The following JMJD1C variants were observed in gnomAD, a reference collection of about 807,000 sequenced individuals.
JMJD1C encodes jumonji domain-containing protein 1C.
In JMJD1C, 31 loss-of-function variants were observed where a neutral mutation model predicts 245.3. The ratio of observed to expected loss-of-function variants is 0.13; its 90% confidence interval spans 0.09 to 0.17. The LOEUF (loss-of-function observed/expected upper bound fraction) is 0.17, where lower values mean the gene tolerates loss of function less well. Ranked by LOEUF, JMJD1C falls within the 10% of genes least tolerant of loss-of-function variation. The pLI is 1.00. For synonymous variants in JMJD1C, 1,057 were observed against 1,017.4 expected, an observed-to-expected ratio of 1.04 and a Z score of -0.74; for missense variants, 2,691 against 3,000.2, an observed-to-expected ratio of 0.90 and a Z score of 2.41.
intron 3 of JMJD1C, among the ~76,000 whole-genome samples, chr10:63,254,541 G>T (rs1391152157): frequency 6.6e-6 from 1 of 152,092 alleles, no homozygotes. Context: ...CTAAAATTTT[G>T]AGTTCAGGTT....
Position 63,465,726 on chromosome 10 carries a change from C to CT in JMJD1C, c.-65dup. Reference sequence around the variant, plus strand: ...CGAGGGAACCGATGAAACCTCACTCCTACCGGCCGCTCATGCTGAGGAGAG... The same window carrying CT: ...CGAGGGAACCGATGAAACCTCACTCCTTACCGGCCGCTCATGCTGAGGAGAG... On this transcript the variant is annotated 5_prime_UTR_variant, in exon 1 of 26. An upstream open reading frame in the 5' UTR loses its in-frame stop. Transcript: ENST00000399262. The CT allele has an allele frequency of 6.4e-7, 1 of 1,570,670 alleles. No homozygotes were observed. The highest frequency in any genetic ancestry group is 1.1e-5 in the South Asian group (1 of 89,608).
At chr10:63,315,084 G>T (rs953685932) in intron 2 of JMJD1C, among the ~76,000 whole-genome samples, 1 of 151,676 alleles carries the variant, frequency 6.6e-6, no homozygotes, top group Non-Finnish European at 1.5e-5. Flanking sequence ...CTCCCAAGTA[G>T]CTGGGATTAC....
chr10:63,360,247 G>A (rs1046019480), intron 2 of JMJD1C, among the ~76,000 whole-genome samples: 2 of 152,154 alleles, frequency 1.3e-5, no homozygotes, highest in African/African-American at 4.8e-5. Flanking sequence ...CTAAGTCACA[G>A]CTACTTGGGA....
chr10:63,229,388 G>T (rs1849696602), intron 3 of JMJD1C, among the ~76,000 whole-genome samples: 1 of 151,864 alleles, frequency 6.6e-6, no homozygotes, highest in South Asian at 2.1e-4. Flanking sequence ...TGCCTACAGG[G>T]TAGCCCTGCT....
intron 3 of JMJD1C, among the ~76,000 whole-genome samples, chr10:63,263,915 G>C (rs1373368401): frequency 7.7e-6 from 1 of 129,228 alleles, no homozygotes; most frequent in African/African-American, 2.9e-5. Flanking sequence ...CTGGGTGAAA[G>C]AGTGAGACTC....
intron 1 of JMJD1C, among the ~76,000 whole-genome samples, chr10:63,438,302 G>A (rs1313683065): frequency 6.6e-6 from 1 of 152,078 alleles, no homozygotes; most frequent in African/African-American, 2.4e-5. Context: ...TCTCACATCA[G>A]ATGCAATTCA....
intron 24 of JMJD1C, among the ~76,000 whole-genome samples, chr10:63,173,019 C>G (rs1904296): frequency 0.69 from 103,611 of 150,706 alleles, 37,422 homozygotes; most frequent in Non-Finnish European, 0.81. Context: ...GCAGCAGGGA[C>G]ACAAGTGTAA....
intron 1 of JMJD1C, among the ~76,000 whole-genome samples, chr10:63,463,068 G>C (rs1458079493): frequency 6.6e-6 from 1 of 152,024 alleles, no homozygotes; most frequent in East Asian, 1.9e-4. Context: ...AGGACTTCTA[G>C]TAGACTTAAC....
At chr10:63,349,411 G>A (rs1438926601) in intron 2 of JMJD1C, among the ~76,000 whole-genome samples, 3 of 152,240 alleles carry the variant, frequency 2.0e-5, no homozygotes, top group Non-Finnish European at 4.4e-5. Context: ...CATACACTCT[G>A]TGTCAATGAT....
At chr10:63,276,345 A>T (rs569975732) in intron 2 of JMJD1C, among the ~76,000 whole-genome samples, 10 of 151,786 alleles carry the variant, frequency 6.6e-5, no homozygotes, top group Non-Finnish European at 1.3e-4. Context: ...GGGTGCCTGT[A>T]GTCCCAGCTA....
At chr10:63,363,811 C>CG (rs931200956) in intron 2 of JMJD1C, among the ~76,000 whole-genome samples, 8 of 151,516 alleles carry the variant, frequency 5.3e-5, no homozygotes, top group African/African-American at 1.9e-4. Flanking sequence ...CAGCCTCTCC[C>CG]GGGTAGCTGG....
chr10:63,322,511 T>C (rs1377975215), intron 2 of JMJD1C, among the ~76,000 whole-genome samples: 1 of 152,146 alleles, frequency 6.6e-6, no homozygotes, highest in Non-Finnish European at 1.5e-5. Context: ...TTACACTTAT[T>C]TGAATTGTTA....
intron 10 of JMJD1C, chr10:63,202,794 T>C: frequency 1.0e-6 from 1 of 985,054 alleles, no homozygotes; most frequent in South Asian, 4.7e-5. Context: ...GTGTAAAATA[T>C]TCAGAGCTTT....
rs1844123794 is a variant in JMJD1C, at chr10:63,186,394, G to T, written c.6571-11C>A. On this transcript the variant is annotated splice_polypyrimidine_tract_variant and intron_variant, in intron 18 of 25. Transcript: ENST00000399262. ...AGAAACCACTGCAGGCTTATAAATA[G>T]ATAAATAAATAACAGTTAAAAGATA... 3 of 1,570,098 alleles carry T rather than the reference G, an allele frequency of 1.9e-6. No homozygotes were observed. The highest frequency in any genetic ancestry group is 1.2e-5 in the South Asian group (1 of 85,068).
intron 1 of JMJD1C, among the ~76,000 whole-genome samples, chr10:63,422,143 G>A (rs556120142): frequency 1.1e-4 from 16 of 152,258 alleles, no homozygotes; most frequent in South Asian, 8.3e-4. Context: ...TGGGCGCAGC[G>A]GCTCACACTT....
intron 1 of JMJD1C, among the ~76,000 whole-genome samples, chr10:63,386,288 A>G (rs757272264): frequency 5.3e-5 from 8 of 152,182 alleles, no homozygotes; most frequent in Non-Finnish European, 8.8e-5. Flanking sequence ...TCAACACCCT[A>G]GCAAAGTGCA....
chr10:63,463,051 T>C (rs898534232), intron 1 of JMJD1C, among the ~76,000 whole-genome samples: 4 of 152,152 alleles, frequency 2.6e-5, no homozygotes, highest in Non-Finnish European at 5.9e-5. Context: ...GCCTGGTGTA[T>C]CCAGCCAGGA....
At chr10:63,429,779 A>G (rs1164895679) in intron 1 of JMJD1C, among the ~76,000 whole-genome samples, 2 of 152,222 alleles carry the variant, frequency 1.3e-5, no homozygotes, top group African/African-American at 4.8e-5. Flanking sequence ...CTATATTACT[A>G]CAAATAAGAA....
chr10:63,203,016 T>C (rs1024238336), intron 10 of JMJD1C: 24 of 984,420 alleles, frequency 2.4e-5, no homozygotes, highest in African/African-American at 1.2e-4. Context: ...GATAGTACTA[T>C]AGTAAAGAAT....
Sources: allele counts gnomAD v4.1 joint callset (sites outside exome capture counted in the v4.1 genomes callset), GRCh38; gene constraint gnomAD v4.1.1; transcripts MANE v1.5; gene names NCBI Gene and HGNC (gene_info 2026-07-23, HGNC 2026-07-21).